PHLPP1: variants seen among roughly 807,000 people sequenced by gnomAD.
PHLPP1 encodes the protein PH domain leucine-rich repeat-containing protein phosphatase 1.
PHLPP1 carries 42 observed loss-of-function variants against 117.2 expected under a neutral mutation model. That is an observed-to-expected ratio of 0.36 (90% CI 0.28 to 0.46). The LOEUF (loss-of-function observed/expected upper bound fraction) is 0.46, where lower values mean the gene tolerates loss of function less well. PHLPP1 is among the 20% of genes least tolerant of loss of function. The pLI is 1.00. For synonymous variants in PHLPP1, 1,042 were observed against 970.7 expected (o/e 1.07, Z -1.37); for missense variants, 2,084 against 2,241.9 (o/e 0.93, Z 1.42).
chr18:62,941,580 A>G, intron 10 of PHLPP1, 138 bp from the exon 11 acceptor site: 1 of 627,394 alleles, frequency 1.6e-6, no homozygotes, highest in Non-Finnish European at 2.8e-6. Flanking sequence ...TGCTAATTGA[A>G]CTCCTTGAAG....
chr18:62,917,396 T>TTGTGTGTGTGTG (rs34407573), intron 9 of PHLPP1, among the ~76,000 whole-genome samples: 4,753 of 141,410 alleles, frequency 0.034, 98 homozygotes, highest in African/African-American at 0.065. Flanking sequence ...ACAGTATTCT[T>TTGTGTGTGTGTG]TGTGTGTGTG....
At chr18:62,762,897 T>C (rs1482062849) in intron 1 of PHLPP1, among the ~76,000 whole-genome samples, 1 of 152,236 alleles carries the variant, frequency 6.6e-6, no homozygotes, top group Non-Finnish European at 1.5e-5. Flanking sequence ...TGATTATTTT[T>C]TAATTTTACC....
chr18:62,722,854 A>G (rs1401906023), intron 1 of PHLPP1, among the ~76,000 whole-genome samples: 2 of 152,240 alleles, frequency 1.3e-5, no homozygotes, highest in Non-Finnish European at 2.9e-5. Flanking sequence ...TAACTGTGAA[A>G]TAGCAACTCT....
chr18:62,961,051 C>CT (rs1478126237), intron 13 of PHLPP1, among the ~76,000 whole-genome samples: 1 of 152,182 alleles, frequency 6.6e-6, no homozygotes, highest in Non-Finnish European at 1.5e-5. Context: ...AATCCCAGCA[C>CT]TTTGGGAGGC....
At chr18:62,865,946 C>G (rs1483076296) in intron 4 of PHLPP1, among the ~76,000 whole-genome samples, 2 of 152,126 alleles carry the variant, frequency 1.3e-5, no homozygotes, top group Non-Finnish European at 2.9e-5. Flanking sequence ...GGCGTAGTAC[C>G]TGGGTGATGA....
chr18:62,847,658 TGCTACCA>T (rs924420083), intron 3 of PHLPP1, among the ~76,000 whole-genome samples: 17 of 152,238 alleles, frequency 1.1e-4, no homozygotes, highest in African/African-American at 4.1e-4. Context: ...AAAATAATTG[TGCTACCA>T]GTTATTTGAC....
chr18:62,744,013 A>G (rs1358935052), intron 1 of PHLPP1, among the ~76,000 whole-genome samples: 1 of 152,212 alleles, frequency 6.6e-6, no homozygotes, highest in Non-Finnish European at 1.5e-5. Context: ...AGAGGTCCAA[A>G]ACTGGTGCCG....
intron 10 of PHLPP1, among the ~76,000 whole-genome samples, chr18:62,940,249 A>G (rs1599132406): frequency 7.1e-6 from 1 of 140,660 alleles, no homozygotes; most frequent in African/African-American, 2.7e-5. Context: ...ATTTAACTAC[A>G]TTTCACAATC....
intron 4 of PHLPP1, among the ~76,000 whole-genome samples, chr18:62,892,928 G>A (rs1916463866): frequency 6.6e-6 from 1 of 151,876 alleles, no homozygotes; most frequent in African/African-American, 2.4e-5. Flanking sequence ...AGGGTCTCGG[G>A]TACCTCCTCT....
In PHLPP1 at chr18:62,975,454, G is replaced by A. The variant is rs572459034; in HGVS notation, c.3813G>A (p.Lys1271=). 2.2e-5 allele frequency: 35 copies of A among 1,613,956 alleles called. No homozygotes were observed. The South Asian group carries it at 3.8e-4, about 18-fold the overall frequency. The change falls in exon 16 of 17, where the codon AAG becomes AAA. Residue 1271 remains lysine (K), a synonymous_variant. Coordinates refer to ENST00000262719, the MANE Select transcript of PHLPP1 (RefSeq NM_194449.4). The stretch of plus-strand genomic sequence containing the variant: ...GTGCCGCTGTCCTTTGTCATATCAA[G>A]CATGACCCTGTGGATCCAGGAGGAT... ...LGGAAVLCHI[K]HDPVDPGGSF...
chr18:62,797,035 T>C (rs1913648190), intron 1 of PHLPP1, among the ~76,000 whole-genome samples: 2 of 152,190 alleles, frequency 1.3e-5, no homozygotes, highest in African/African-American at 2.4e-5. Context: ...GATACAGATA[T>C]CTGATTTTAT....
Position 62,895,090 on chromosome 18 carries a change from C to G in PHLPP1, c.2146C>G (p.Leu716Val), listed in dbSNP as rs745406508. The change falls in exon 5 of 17, where the codon CTG (leucine) becomes GTG (valine). Residue 716 changes from leucine (L) to valine (V), a missense_variant. Physicochemically the swap from Leu to Val is conservative, Grantham distance 32. Around this residue, in one of 2 missense-constraint regions of PHLPP1, gnomAD observed 1,365 missense variants for 1,605.9 expected, o/e 0.85. Transcript: ENST00000262719. ...FPLAVCSIPTLAELNVSCNAL... is the reference protein window; with the variant it reads ...FPLAVCSIPTVAELNVSCNAL... ...ACTGGCAGTCTGCAGTATTCCAACC[C>G]TGGCAGAGCTGAACGTGTCCTGCAA... 3.2e-5 allele frequency: 52 copies of G among 1,613,810 alleles called. No homozygotes were observed. Among genetic ancestry groups the G allele is most frequent in the Middle Eastern group, 1.6e-4 (1 of 6,080 alleles).
At chr18:62,766,828 T>C (rs1325198772) in intron 1 of PHLPP1, among the ~76,000 whole-genome samples, 1 of 152,202 alleles carries the variant, frequency 6.6e-6, no homozygotes, top group African/African-American at 2.4e-5. Flanking sequence ...ACCAAAGACT[T>C]CATCTCTAAA....
At position 62,817,851 on chromosome 18, in the gene PHLPP1, C is replaced by CT. The variant is rs71340119; in HGVS notation, c.1577-12162dup. Among the ~76,000 whole-genome samples the CT allele has an allele frequency of 4.6e-3, 393 of 85,932 alleles. 6 individuals carry two copies. Among genetic ancestry groups the CT allele is most frequent in the African/African-American group, 9.5e-3 (205 of 21,556 alleles). 56.4% of individuals were successfully genotyped at this position (85,932 alleles called of 152,430 possible). ...GCTAGGACTTAAGAATGGCAACAGA[C>CT]TTTTTTTTTTTTTTTTTTTTTTGAG... On this transcript the variant is annotated intron_variant, in intron 1 of 16. Transcript: ENST00000262719.
rs540142314 is a variant in PHLPP1, at chr18:62,939,763, A to G, written c.2961-1955A>G. Among the ~76,000 whole-genome samples, 343 of 152,156 alleles carry G rather than the reference A, an allele frequency of 2.3e-3. 1 individual carries two copies. The highest frequency in any genetic ancestry group is 6.8e-3 in the Middle Eastern group (2 of 294). Reference sequence around the variant, plus strand: ...GCTTGTGTGTTGAAGGGGTTGTACAAGATTGAAGAGTTTTAAATTAGTGGA... The same window carrying G: ...GCTTGTGTGTTGAAGGGGTTGTACAGGATTGAAGAGTTTTAAATTAGTGGA... On this transcript the variant is annotated intron_variant, in intron 10 of 16. Transcript: ENST00000262719.
chr18:62,942,767 A>G (rs561155743), intron 11 of PHLPP1, among the ~76,000 whole-genome samples: 4 of 151,780 alleles, frequency 2.6e-5, no homozygotes, highest in African/African-American at 4.8e-5. Flanking sequence ...GGTAACTGCA[A>G]CTCAGCATTG....
At chr18:62,779,459 C>T (rs1003917416) in intron 1 of PHLPP1, 2 of 152,142 alleles carry the variant, frequency 1.3e-5, no homozygotes, top group Non-Finnish European at 2.9e-5. Flanking sequence ...TATCCCAGTG[C>T]ATGGAGACAC....
intron 3 of PHLPP1, among the ~76,000 whole-genome samples, chr18:62,854,445 C>T (rs1042741532): frequency 2.6e-5 from 4 of 152,190 alleles, no homozygotes; most frequent in Non-Finnish European, 5.9e-5. Flanking sequence ...CACCCCTCCT[C>T]GGAAATCTGT....
chr18:62,804,872 CA>C, intron 1 of PHLPP1, among the ~76,000 whole-genome samples: 1 of 148,940 alleles, frequency 6.7e-6, no homozygotes, highest in Non-Finnish European at 1.5e-5. Context: ...TATACATATA[CA>C]GTATAATATA....
Sources: allele counts gnomAD v4.1 joint callset (sites outside exome capture counted in the v4.1 genomes callset), GRCh38; gene constraint gnomAD v4.1.1; regional missense constraint gnomAD v4.1.1; transcripts MANE v1.5; gene names NCBI Gene and HGNC (gene_info 2026-07-23, HGNC 2026-07-21).